FNDC8: variants seen among roughly 807,000 people sequenced by gnomAD.
FNDC8 encodes fibronectin type III domain-containing protein 8.
In FNDC8, 23 loss-of-function variants were observed where a neutral mutation model predicts 24.8. That is an observed-to-expected ratio of 0.93 (90% CI 0.67 to 1.31). The LOEUF (loss-of-function observed/expected upper bound fraction) is 1.31, where lower values mean the gene tolerates loss of function less well. Ranked by LOEUF, FNDC8 falls within the 40% of genes most tolerant of loss-of-function variation. FNDC8 has a pLI of 0.00. For synonymous variants in FNDC8, 158 were observed against 165.3 expected (o/e 0.96, Z 0.34); for missense variants, 371 against 398.2 (o/e 0.93, Z 0.58).
chr17:35,129,032 G>C (rs1308986897), intron 2 of FNDC8: 4 of 198,862 alleles, frequency 2.0e-5, no homozygotes, highest in African/African-American at 2.3e-5. Flanking sequence ...CAGAGCTCAG[G>C]TGGTACCCTG....
At chr17:35,129,914 G>A in intron 3 of FNDC8, 1 of 1,392,400 alleles carries the variant, frequency 7.2e-7, no homozygotes. Flanking sequence ...CAAAGCCATT[G>A]GTTTTTAGAC....
At chr17:35,124,917 G>A (rs2091843143) in intron 1 of FNDC8, among the ~76,000 whole-genome samples, 2 of 150,880 alleles carry the variant, frequency 1.3e-5, no homozygotes, top group Non-Finnish European at 3.0e-5. Flanking sequence ...ATGTGGCAGT[G>A]TGGGCCTGTA....
chr17:35,121,982 CCTTCCT>C (rs2091827703), intron 1 of FNDC8, 80 bp downstream of exon 1: 1 of 945,636 alleles, frequency 1.1e-6, no homozygotes, highest in African/African-American at 2.8e-5. Context: ...TTCCTTCCTT[CCTTCCT>C]TTTTTTTTTT....
chr17:35,128,898 CAA>C (rs1320904845), intron 2 of FNDC8: 1 of 168,830 alleles, frequency 5.9e-6, no homozygotes, highest in African/African-American at 2.4e-5. Flanking sequence ...TGATGGGAGA[CAA>C]TGACAGATCA....
chr17:35,125,047 C>CA (rs60189697), intron 1 of FNDC8, among the ~76,000 whole-genome samples: 2,469 of 62,018 alleles, frequency 0.04, 71 homozygotes, highest in African/African-American at 0.11. Flanking sequence ...GACTCCAGCT[C>CA]AAAAAAAAAA....
chr17:35,124,283 A>G (rs1056247274), intron 1 of FNDC8, among the ~76,000 whole-genome samples: 1 of 152,236 alleles, frequency 6.6e-6, no homozygotes, highest in African/African-American at 2.4e-5. Context: ...TAATCCTAGC[A>G]CTTTGGAAGG....
chr17:35,129,398 C>G lies in FNDC8; in HGVS notation c.586-24C>G, dbSNP rs75191780. On this transcript the variant is annotated intron_variant, in intron 2 of 3. Coordinates refer to ENST00000158009, the MANE Select transcript of FNDC8 (RefSeq NM_017559.4). Reference sequence around the variant, plus strand: ...GAAGGACAGGACATATCTGAGGAAGCCTCGGGGCTCTCTCTTCCCCTAGAT... The same window carrying G: ...GAAGGACAGGACATATCTGAGGAAGGCTCGGGGCTCTCTCTTCCCCTAGAT... The G allele has an allele frequency of 2.3e-4, 376 of 1,609,392 alleles. 2 individuals carry two copies. The African/African-American group carries it at 3.9e-3, about 17-fold the overall frequency.
chr17:35,122,441 G>A (rs1049369444), intron 1 of FNDC8, among the ~76,000 whole-genome samples: 1 of 151,640 alleles, frequency 6.6e-6, no homozygotes, highest in Non-Finnish European at 1.5e-5. Flanking sequence ...AGAGAAGAGC[G>A]TGTGGGCAGG....
intron 1 of FNDC8, among the ~76,000 whole-genome samples, chr17:35,122,809 G>A (rs2091835084): frequency 6.6e-6 from 1 of 152,246 alleles, no homozygotes; most frequent in South Asian, 2.1e-4. Context: ...CGCAGAGCTG[G>A]AAAGCACAGT....
chr17:35,130,095 CCA>C lies in FNDC8; in HGVS notation c.823-186_823-185del, dbSNP rs1258670689. 7.0e-6 allele frequency: 10 copies of C among 1,425,284 alleles called. No homozygotes were observed. The African/African-American group carries it at 1.4e-4, about 21-fold the overall frequency. 88.3% of individuals were successfully genotyped at this position (1,425,284 alleles called of 1,614,324 possible). A position where few individuals can be genotyped will look rare whatever the true frequency, so the allele number is the denominator to read the frequency against. On this transcript the variant is annotated intron_variant, in intron 3 of 3. Coordinates refer to ENST00000158009, the MANE Select transcript of FNDC8 (RefSeq NM_017559.4). ...AGACAGCCCTTTGGTTGGAAATATC[CCA>C]TAATGAGGAGGTACAGGCTTGAGTC...
chr17:35,127,568 G>A, intron 2 of FNDC8, 151 bp downstream of exon 2: 3 of 938,978 alleles, frequency 3.2e-6, no homozygotes, highest in African/African-American at 1.6e-5. Context: ...AAAAACTCCA[G>A]TGCAAGACAG....
chr17:35,121,781 C>T lies in FNDC8; in HGVS notation c.88C>T (p.Gln30Ter). 1 of 1,613,670 alleles carries T rather than the reference C, an allele frequency of 6.2e-7. No homozygotes were observed. The highest frequency in any genetic ancestry group is 8.5e-7 in the Non-Finnish European group (1 of 1,179,748). ...CTTCAACATGATGAATGCCCTTGACCAACTGCCAAAACCCTTTTCAAACCC... is the reference window on the plus strand; with the variant it reads ...CTTCAACATGATGAATGCCCTTGACTAACTGCCAAAACCCTTTTCAAACCC... ...ENFNMMNALD[Q>*]LPKPFSNPKS... The change falls in exon 1 of 4, where the codon CAA (glutamine) becomes TAA (stop). Residue 30 changes from glutamine to a stop codon, truncating the protein, a stop_gained. Transcript: ENST00000158009. LOFTEE classifies it high-confidence loss of function.
intron 1 of FNDC8, among the ~76,000 whole-genome samples, chr17:35,122,156 TCA>T (rs1491213535): frequency 7.4e-5 from 5 of 67,684 alleles, no homozygotes; most frequent in Admixed American, 1.7e-4. Flanking sequence ...TGGCTAATTT[TCA>T]TATATATATA....
chr17:35,130,548 CAG>C lies in FNDC8; in HGVS notation c.*117_*118del. The C allele has an allele frequency of 1.2e-5, 14 of 1,181,662 alleles. No homozygotes were observed. Among genetic ancestry groups the C allele is most frequent in the East Asian group, 2.5e-5 (1 of 39,586 alleles). The allele number at this position is 1,181,662 out of a possible 1,614,324, so 73.2% of individuals were successfully genotyped here. Reference sequence around the variant, plus strand: ...AGCACCCTGCGGGCCCGGGGTCTGGCAGAGTGGTATGGGCACCCCACCCCTGG... The same window carrying C: ...AGCACCCTGCGGGCCCGGGGTCTGGCAGTGGTATGGGCACCCCACCCCTGG... On this transcript the variant is annotated 3_prime_UTR_variant, in exon 4 of 4. Coordinates refer to ENST00000158009, the MANE Select transcript of FNDC8 (RefSeq NM_017559.4).
rs2091863126 is a variant in FNDC8, at chr17:35,129,467, C to G, written c.631C>G (p.Gln211Glu). The change falls in exon 3 of 4, where the codon CAG (glutamine) becomes GAG (glutamate). Residue 211 changes from glutamine (Q) to glutamate (E), a missense_variant. Coordinates refer to ENST00000158009, the MANE Select transcript of FNDC8 (RefSeq NM_017559.4). Reference protein sequence around the residue: ...ALGKQPVSFYQLLLQEVAKTQ... With the variant: ...ALGKQPVSFYELLLQEVAKTQ... ...GGGCAAGCAGCCGGTCAGTTTCTAC[C>G]AGCTCCTGTTACAGGAGGTGGCCAA... 1.2e-6 allele frequency: 2 copies of G among 1,614,068 alleles called. No homozygotes were observed. Among genetic ancestry groups the G allele is most frequent in the African/African-American group, 2.7e-5 (2 of 74,920 alleles).
chr17:35,130,313 T>G lies in FNDC8; in HGVS notation c.854T>G (p.Phe285Cys), dbSNP rs1318661121. 3 of 1,613,924 alleles carry G rather than the reference T, an allele frequency of 1.9e-6. No individual in the cohort carries two copies. The highest frequency in any genetic ancestry group is 1.3e-5 in the African/African-American group (1 of 74,900). The change falls in exon 4 of 4, where the codon TTT (phenylalanine) becomes TGT (cysteine). Residue 285 changes from phenylalanine (F) to cysteine (C), a missense_variant. Physicochemically the swap from Phe to Cys is radical, Grantham distance 205 (BLOSUM62 -2). Coordinates refer to ENST00000158009, the MANE Select transcript of FNDC8 (RefSeq NM_017559.4). ...FATLATDFSS[F>C]PENYPIQITV... The stretch of plus-strand genomic sequence containing the variant: ...ACCCTGGCCACTGACTTCAGCAGCT[T>G]TCCTGAGAACTACCCCATCCAGATC...
At chr17:35,126,469 C>G (rs569362773) in intron 1 of FNDC8, among the ~76,000 whole-genome samples, 1 of 148,786 alleles carries the variant, frequency 6.7e-6, no homozygotes, top group South Asian at 2.1e-4. Flanking sequence ...TTGTGGTTTG[C>G]AGAACACTTG....
At position 35,127,079 on chromosome 17, in the gene FNDC8, G is replaced by C. The variant is rs1361193329; in HGVS notation, c.247G>C (p.Asp83His). The change falls in exon 2 of 4, where the codon GAT becomes CAT. Residue 83 changes from aspartate to histidine, a missense_variant. Transcript: ENST00000158009. ...LPVEDSDCSS[D>H]ETSISAFSST... ...AGTAGAGGATTCAGACTGCAGCTCT[G>C]ATGAGACCAGCATCTCTGCCTTCTC... 2 of 1,612,360 alleles carry C rather than the reference G, an allele frequency of 1.2e-6. No individual in the cohort carries two copies. The highest frequency in any genetic ancestry group is 1.7e-5 in the Admixed American group (1 of 59,850).
Position 35,127,316 on chromosome 17 carries a change from G to A in FNDC8, c.484G>A (p.Glu162Lys), listed in dbSNP as rs747517723. Reference protein sequence around the residue: ...GLLDLDNPELETETSSTHSES... With the variant: ...GLLDLDNPELKTETSSTHSES... ...GCTGGACCTTGACAACCCTGAGCTG[G>A]AGACAGAAACCTCCTCAACGCACTC... Residue 162 changes from glutamate (E) to lysine (K), a missense_variant, in exon 2 of 4, where the codon GAG becomes AAG. Physicochemically the swap from Glu to Lys is moderately conservative, Grantham distance 56 (BLOSUM62 1). Transcript: ENST00000158009. The A allele has an allele frequency of 6.2e-7, 1 of 1,613,732 alleles. No individual in the cohort carries two copies. Among genetic ancestry groups the A allele is most frequent in the South Asian group, 1.1e-5 (1 of 91,054 alleles).
Sources: gnomAD v4.1 joint callset for allele counts (sites outside exome capture counted in the v4.1 genomes callset) on GRCh38, gnomAD v4.1.1 for gene constraint, MANE v1.5 for transcripts, NCBI Gene and HGNC (gene_info 2026-07-23, HGNC 2026-07-21) for gene names.